Variants in ATOSA observed in about 807,000 individuals in gnomAD.
ATOSA encodes the protein atos homolog A, also known as atos homolog protein A.
chr15:52,621,692 T>A, the ATOSA span, among the ~76,000 whole-genome samples: 1 of 152,164 alleles, frequency 6.6e-6, no homozygotes, highest in Non-Finnish European at 1.5e-5. Context: ...CTCTCTTGCT[T>A]GCTGCCACTT....
At chr15:52,616,750 G>A in the ATOSA span, among the ~76,000 whole-genome samples, 8 of 152,162 alleles carry the variant, frequency 5.3e-5, no homozygotes, top group African/African-American at 1.7e-4. Context: ...ACACCCAGGA[G>A]CTATGCAATG....
At chr15:52,677,993 A>G in the ATOSA span, 1 of 1,614,004 alleles carries the variant, frequency 6.2e-7, no homozygotes, top group Admixed American at 1.7e-5. Context: ...CCCTACTTAA[A>G]CAAATCATTT....
the ATOSA span, among the ~76,000 whole-genome samples, chr15:52,698,578 C>T: frequency 6.6e-6 from 1 of 152,138 alleles, no homozygotes. Flanking sequence ...TTGGAGAAAT[C>T]ACATAGAGAT....
At chr15:52,601,255 G>A in the ATOSA span, 1 of 774,416 alleles carries the variant, frequency 1.3e-6, no homozygotes, top group Non-Finnish European at 2.1e-6. Flanking sequence ...TGAAATTTAA[G>A]CATATCTTTG....
the ATOSA span, among the ~76,000 whole-genome samples, chr15:52,661,952 A>AAAAAC: frequency 2.0e-5 from 3 of 149,300 alleles, no homozygotes; most frequent in African/African-American, 7.5e-5. Flanking sequence ...AAAAAAAAAA[A>AAAAAC]CAGCAAAAAA....
At chr15:52,684,159 C>T in the ATOSA span, among the ~76,000 whole-genome samples, 1 of 152,186 alleles carries the variant, frequency 6.6e-6, no homozygotes, top group African/African-American at 2.4e-5. Flanking sequence ...AATACAGTAG[C>T]TATAGTCATC....
the ATOSA span, among the ~76,000 whole-genome samples, chr15:52,591,582 C>T: frequency 6.6e-6 from 1 of 152,134 alleles, no homozygotes; most frequent in Non-Finnish European, 1.5e-5. Context: ...TCTTTCCATC[C>T]TCTATTACTA....
chr15:52,598,309 A>G, the ATOSA span, among the ~76,000 whole-genome samples: 1 of 152,222 alleles, frequency 6.6e-6, no homozygotes, highest in Non-Finnish European at 1.5e-5. Context: ...CGCAGGCTGG[A>G]CAAGCTTGCT....
chr15:52,637,709 A>G, the ATOSA span, among the ~76,000 whole-genome samples: 273 of 152,356 alleles, frequency 1.8e-3, 1 homozygote, highest in East Asian at 0.025. Flanking sequence ...TATACTAATA[A>G]GAGCCCAAAC....
the ATOSA span, among the ~76,000 whole-genome samples, chr15:52,633,909 T>C: frequency 1.3e-5 from 2 of 152,058 alleles, no homozygotes; most frequent in African/African-American, 4.8e-5. Context: ...AGTCTGGATA[T>C]AAAATGCATA....
At chr15:52,582,422 C>A in the ATOSA span, 3 of 822,496 alleles carry the variant, frequency 3.6e-6, no homozygotes, top group Non-Finnish European at 5.4e-6. Flanking sequence ...TAGGTCAACA[C>A]TAACTCTTTA....
the ATOSA span, among the ~76,000 whole-genome samples, chr15:52,621,699 A>C: frequency 6.6e-6 from 1 of 152,104 alleles, no homozygotes; most frequent in Non-Finnish European, 1.5e-5. Context: ...GCTTGCTGCC[A>C]CTTAAGATGT....
chr15:52,661,548 CAG>C, the ATOSA span, among the ~76,000 whole-genome samples: 10 of 152,204 alleles, frequency 6.6e-5, no homozygotes, highest in Admixed American at 6.5e-4. Context: ...TTTCTAGTGA[CAG>C]AGTGATTTTG....
the ATOSA span, chr15:52,677,940 C>T: frequency 5.0e-6 from 8 of 1,592,540 alleles, no homozygotes; most frequent in African/African-American, 5.4e-5. Flanking sequence ...TAGGTTAACA[C>T]TTCTAAATTG....
the ATOSA span, among the ~76,000 whole-genome samples, chr15:52,708,038 G>A: frequency 6.6e-6 from 1 of 152,094 alleles, no homozygotes; most frequent in Non-Finnish European, 1.5e-5. Flanking sequence ...ATGGTTTTCC[G>A]GGACTTCAGG....
At chr15:52,681,452 T>G in the ATOSA span, among the ~76,000 whole-genome samples, 1 of 152,152 alleles carries the variant, frequency 6.6e-6, no homozygotes, top group African/African-American at 2.4e-5. Context: ...CCTATAAAAG[T>G]GAGGTGTTTA....
the ATOSA span, among the ~76,000 whole-genome samples, chr15:52,626,590 T>A: frequency 6.6e-6 from 1 of 150,428 alleles, no homozygotes; most frequent in African/African-American, 2.4e-5. Context: ...GAATTCAGGA[T>A]ATATTTTCAT....
chr15:52,646,207 C>G, the ATOSA span, among the ~76,000 whole-genome samples: 3 of 152,142 alleles, frequency 2.0e-5, no homozygotes, highest in Non-Finnish European at 2.9e-5. Flanking sequence ...ATCTAAAACT[C>G]CTGGAGAAAT....
the ATOSA span, among the ~76,000 whole-genome samples, chr15:52,694,137 C>G: frequency 6.8e-6 from 1 of 147,360 alleles, no homozygotes; most frequent in Non-Finnish European, 1.5e-5. Flanking sequence ...TGTGTGTGTG[C>G]GTGTGTGTGT....
Sources: gnomAD v4.1 joint callset for allele counts (sites outside exome capture counted in the v4.1 genomes callset) on GRCh38, gnomAD v4.1.1 for gene constraint, MANE v1.5 for transcripts, NCBI Gene and HGNC (gene_info 2026-07-23, HGNC 2026-07-21) for gene names.